SIPA1L2: variants seen among roughly 807,000 people sequenced by gnomAD.
SIPA1L2 encodes the protein signal induced proliferation associated 1 like 2.
Under a neutral mutation model 163.9 loss-of-function variants are expected in SIPA1L2, and 56 were observed. The ratio of observed to expected loss-of-function variants is 0.34; its 90% CI spans 0.28 to 0.43. The LOEUF is 0.43. Ranked by LOEUF, SIPA1L2 falls within the 20% of genes least tolerant of loss-of-function variation. The pLI, the probability that SIPA1L2 is intolerant of heterozygous loss-of-function variation, is 1.00. For missense variants in SIPA1L2, 1,974 were observed against 2,193.5 expected, an observed-to-expected ratio of 0.90 and a Z score of 2.00; for synonymous variants, 877 against 865.7, an observed-to-expected ratio of 1.01 and a Z score of -0.23.
rs151082198 is a variant in SIPA1L2 at position 232,432,881 on chromosome 1, C to G, written c.4032-410G>C. Among the ~76,000 whole-genome samples, 169 of 152,268 alleles carry G rather than the reference C, an allele frequency of 1.1e-3. 1 individual carries two copies. In the Middle Eastern group the frequency reaches 0.017, roughly 15 times the overall value. ...TAGCATTACATACTCACCAGACAGG[C>G]AAAAATGGGAATGCCTGACAATACC... On this transcript the variant is annotated intron_variant, in intron 15 of 22. Transcript: ENST00000674635.
intron 2 of SIPA1L2, among the ~76,000 whole-genome samples, chr1:232,568,717 A>C (rs1659543391): frequency 6.6e-6 from 1 of 152,124 alleles, no homozygotes; most frequent in Non-Finnish European, 1.5e-5. Flanking sequence ...TGCAAATCTA[A>C]CACATTATCT....
chr1:232,456,630 T>A (rs746893722), intron 10 of SIPA1L2, among the ~76,000 whole-genome samples: 6 of 152,244 alleles, frequency 3.9e-5, no homozygotes, highest in Non-Finnish European at 8.8e-5. Context: ...TATATCCGCC[T>A]TTTAGGTTGA....
intron 20 of SIPA1L2, 44 bp from the exon 21 acceptor site, chr1:232,403,615 A>G (rs1660476305): frequency 6.4e-7 from 1 of 1,551,514 alleles, no homozygotes; most frequent in Admixed American, 2.0e-5. Context: ...GTTAGTAATC[A>G]ATGCAAGGCA....
rs1482687965 is a variant in SIPA1L2, at chr1:232,629,929, G to T, written c.-379C>A. On this transcript the variant is annotated 5_prime_UTR_variant, in exon 1 of 23. Transcript: ENST00000674635. ...TGTGCGCGCCGGGCGGCGCGTACCC[G>T]GGCTGCCGCCTCGCCGCCCGCCGCT... Among the ~76,000 whole-genome samples the T allele has an allele frequency of 1.3e-5, 2 of 150,754 alleles. No individual in the cohort carries two copies. Among genetic ancestry groups the T allele is most frequent in the Non-Finnish European group, 3.0e-5 (2 of 67,388 alleles).
chr1:232,471,944 T>A (rs1246199000), intron 7 of SIPA1L2, among the ~76,000 whole-genome samples: 5 of 152,196 alleles, frequency 3.3e-5, no homozygotes, highest in Non-Finnish European at 7.3e-5. Context: ...TCAGCTTGTA[T>A]CCTGTGCTCC....
In SIPA1L2 at chr1:232,465,495, T is replaced by C. The variant is rs12145798; in HGVS notation, c.2244-79A>G. On this transcript the variant is annotated intron_variant, in intron 8 of 22. Coordinates refer to ENST00000674635, the MANE Select transcript of SIPA1L2 (RefSeq NM_020808.5). The surrounding 1 kb of genome is among the most constrained non-coding windows in gnomAD (Gnocchi z 4.1). Reference sequence around the variant, plus strand: ...TATCTTTCCGAATTTGACATATATATACACACACACACACATATACATACA... The same window carrying C: ...TATCTTTCCGAATTTGACATATATACACACACACACACACATATACATACA... The C allele has an allele frequency of 0.18, 188,530 of 1,064,222 alleles. 17,061 individuals are homozygous for C. Among genetic ancestry groups the C allele is most frequent in the Non-Finnish European group, 0.2 (147,934 of 729,080 alleles). The allele number at this position is 1,064,222 out of a possible 1,614,324, so 65.9% of individuals were successfully genotyped here.
intron 1 of SIPA1L2, among the ~76,000 whole-genome samples, chr1:232,617,414 G>A (rs1324577794): frequency 1.3e-5 from 2 of 152,222 alleles, no homozygotes; most frequent in Non-Finnish European, 2.9e-5. Context: ...ATAAATATCT[G>A]ACAGAAATTG....
In SIPA1L2 at chr1:232,515,388, T is replaced by C. The variant is rs374702087; in HGVS notation, c.-49A>G. The C allele has an allele frequency of 6.6e-6, 10 of 1,510,630 alleles. No individual in the cohort carries two copies. Among genetic ancestry groups the C allele is most frequent in the Middle Eastern group, 1.8e-4 (1 of 5,650 alleles). 93.6% of individuals were successfully genotyped at this position (1,510,630 alleles called of 1,614,324 possible). On this transcript the variant is annotated 5_prime_UTR_variant, in exon 3 of 23. Transcript: ENST00000674635. ...GTCTCACCAGGAAGACTGATGTAAA[T>C]CTAATTACATTGCTACCGACCACGC...
In SIPA1L2 at chr1:232,514,280, T is replaced by C. The variant is rs1396973136; in HGVS notation, c.1060A>G (p.Arg354Gly). The C allele has an allele frequency of 6.2e-7, 1 of 1,613,850 alleles. No individual in the cohort carries two copies. The change falls in exon 3 of 23, where the codon AGG becomes GGG. Residue 354 changes from arginine (R) to glycine (G), a missense_variant. Around this residue, in one of 3 missense-constraint regions of SIPA1L2, gnomAD observed 607 missense variants for 624.0 expected, o/e 0.97. Transcript: ENST00000674635. ...AMATRANVGK[R>G]KNITTGASAA... is the part of the protein sequence containing the mutation. ...GATGCCCCAGTGGTTATGTTTTTCC[T>C]TTTCCCCACATTAGCCCTCGTAGCC...
chr1:232,457,458 T>C (rs538722625), intron 10 of SIPA1L2, among the ~76,000 whole-genome samples: 5 of 152,320 alleles, frequency 3.3e-5, no homozygotes, highest in African/African-American at 9.6e-5. Context: ...TAAAAATGTA[T>C]ATGTATATAT....
Position 232,502,309 on chromosome 1 carries a change from TA to T in SIPA1L2, c.1484-8650del, listed in dbSNP as rs1324968562. Among the ~76,000 whole-genome samples, 7 of 152,180 alleles carry T rather than the reference TA, an allele frequency of 4.6e-5. No individual in the cohort carries two copies. In the South Asian group the frequency reaches 1.0e-3, roughly 23 times the overall value. Reference sequence around the variant, plus strand: ...TCAAAACAAAAGAGCGCACATAAAATAAACTGCATCATCGAGTATTTTGATT... The same window carrying T: ...TCAAAACAAAAGAGCGCACATAAAATAACTGCATCATCGAGTATTTTGATT... On this transcript the variant is annotated intron_variant, in intron 3 of 22. Transcript: ENST00000674635.
At chr1:232,552,853 G>C (rs545209598) in intron 2 of SIPA1L2, among the ~76,000 whole-genome samples, 2 of 152,186 alleles carry the variant, frequency 1.3e-5, no homozygotes, top group African/African-American at 2.4e-5. Flanking sequence ...TGTACAACGG[G>C]GGGTGGCACC....
Position 232,465,098 on chromosome 1 carries a change from G to T in SIPA1L2, c.2562C>A (p.Ala854=), listed in dbSNP as rs763035061. 1 of 1,614,118 alleles carries T rather than the reference G, an allele frequency of 6.2e-7. No homozygotes were observed. Among genetic ancestry groups the T allele is most frequent in the Non-Finnish European group, 8.5e-7 (1 of 1,180,020 alleles). The change falls in exon 9 of 23, where the codon GCC becomes GCA. Residue 854 remains alanine, a synonymous_variant. Coordinates refer to ENST00000674635, the MANE Select transcript of SIPA1L2 (RefSeq NM_020808.5). This position sits in a 1 kb window ranked among gnomAD's most constrained non-coding sequence, Gnocchi z 4.1. The part of the protein sequence containing the change: ...RKDAHLFSIG[A]IMWHVIARDF... ...CCCGGGCTATCACGTGCCACATGATGGCCCCAATGCTAAACAAGTGGGCAT... is the reference window on the plus strand; with the variant it reads ...CCCGGGCTATCACGTGCCACATGATTGCCCCAATGCTAAACAAGTGGGCAT...
chr1:232,545,215 C>G (rs985342179), intron 2 of SIPA1L2, among the ~76,000 whole-genome samples: 5 of 152,232 alleles, frequency 3.3e-5, no homozygotes, highest in Admixed American at 6.5e-5. Flanking sequence ...CTACAAGGTT[C>G]CCTGTAGCAT....
At chr1:232,490,124 G>C (rs1206137192) in intron 5 of SIPA1L2, among the ~76,000 whole-genome samples, 1 of 152,030 alleles carries the variant, frequency 6.6e-6, no homozygotes, top group African/African-American at 2.4e-5. Flanking sequence ...AATCTCCTTG[G>C]CCTAGCATAC....
chr1:232,561,717 T>G (rs1659046983), intron 2 of SIPA1L2, among the ~76,000 whole-genome samples: 1 of 152,228 alleles, frequency 6.6e-6, no homozygotes, highest in African/African-American at 2.4e-5. Flanking sequence ...AGAGTGACTC[T>G]GGATAAGTTA....
At chr1:232,452,316 G>T (rs190420123) in intron 10 of SIPA1L2, among the ~76,000 whole-genome samples, 2 of 152,022 alleles carry the variant, frequency 1.3e-5, no homozygotes, top group Non-Finnish European at 2.9e-5. Context: ...CAGCAAAGAG[G>T]GGGTGTCCTA....
intron 14 of SIPA1L2, among the ~76,000 whole-genome samples, chr1:232,440,989 C>A (rs1662859244): frequency 1.3e-5 from 2 of 152,208 alleles, no homozygotes; most frequent in African/African-American, 4.8e-5. Context: ...CTGTTTTGTG[C>A]CACTAAATGG....
rs16857364 is a variant in SIPA1L2, at chr1:232,481,732, C to T, written c.1982-2002G>A. On this transcript the variant is annotated intron_variant, in intron 6 of 22. Coordinates refer to ENST00000674635, the MANE Select transcript of SIPA1L2 (RefSeq NM_020808.5). ...CATGGCTGGGATTCTGTACTCTGCTCTAGTTAACAGAGCACCTTAGTGGCT... is the reference window on the plus strand; with the variant it reads ...CATGGCTGGGATTCTGTACTCTGCTTTAGTTAACAGAGCACCTTAGTGGCT... Among the ~76,000 whole-genome samples, 5,611 of 152,236 alleles carry T rather than the reference C, an allele frequency of 0.037. 972 individuals carry two copies. In the East Asian group the frequency reaches 0.57, roughly 15 times the overall value.
Sources: gnomAD v4.1 joint callset for allele counts (sites outside exome capture counted in the v4.1 genomes callset) on GRCh38, gnomAD v4.1.1 for gene constraint, gnomAD v4.1.1 regional missense constraint, Gnocchi (gnomAD v3.1) non-coding constraint, MANE v1.5 for transcripts, NCBI Gene and HGNC (gene_info 2026-07-23, HGNC 2026-07-21) for gene names.